Variants in NEDD9 observed in about 807,000 individuals in gnomAD.
NEDD9 encodes the protein neural precursor cell expressed, developmentally down-regulated 9.
NEDD9 carries 26 observed loss-of-function variants against 76.6 expected under a neutral mutation model. The ratio of observed to expected loss-of-function variants is 0.34; its 90% CI spans 0.25 to 0.47. NEDD9 has a LOEUF of 0.47. Ranked by LOEUF, NEDD9 falls within the 20% of genes least tolerant of loss-of-function variation. The pLI, the probability that NEDD9 is intolerant of heterozygous loss-of-function variation, is 1.00. For missense variants in NEDD9, 937 were observed against 1,058.5 expected, an observed-to-expected ratio of 0.89 and a Z score of 1.59; for synonymous variants, 392 against 414.2, an observed-to-expected ratio of 0.95 and a Z score of 0.65.
chr6:11,306,336 T>C (rs2113421968), intron 2 of NEDD9, among the ~76,000 whole-genome samples: 1 of 152,354 alleles, frequency 6.6e-6, no homozygotes, highest in South Asian at 2.1e-4. Context: ...CTTACTATGC[T>C]TTAGTTGGAA....
rs369706529 is a variant in NEDD9 at position 11,186,610 on chromosome 6, GCTTTA to G, written c.1996-944_1996-940del. 4.3e-4 allele frequency among the ~76,000 whole-genome samples: 65 copies of G among 151,988 alleles called. 1 individual carries two copies. In the East Asian group the frequency reaches 0.011, roughly 26 times the overall value. On this transcript the variant is annotated intron_variant, in intron 6 of 6. Coordinates refer to ENST00000379446, the MANE Select transcript of NEDD9 (RefSeq NM_006403.4). Reference sequence around the variant, plus strand: ...AGCTTCTCTGAGAGATGCACAGCCAGCTTTACTTTACTTTTCTTTTTTTTTGAGAC... The same window carrying G: ...AGCTTCTCTGAGAGATGCACAGCCAGCTTTACTTTTCTTTTTTTTTGAGAC...
intron 3 of NEDD9, among the ~76,000 whole-genome samples, chr6:11,300,644 A>G (rs1761023492): frequency 6.6e-6 from 1 of 152,266 alleles, no homozygotes; most frequent in South Asian, 2.1e-4. Context: ...AGGGAAGCCC[A>G]TCAGACTAAC....
At chr6:11,339,856 G>T (rs1762239280) in intron 1 of NEDD9, among the ~76,000 whole-genome samples, 1 of 152,162 alleles carries the variant, frequency 6.6e-6, no homozygotes, top group Non-Finnish European at 1.5e-5. Context: ...GACTGTGCTT[G>T]CATTTGTCAT....
upstream of NEDD9, among the ~76,000 whole-genome samples, chr6:11,233,128 C>A (rs377000149): frequency 4.7e-5 from 7 of 150,514 alleles, no homozygotes; most frequent in African/African-American, 1.5e-4. Flanking sequence ...TTTTACTAAC[C>A]ACCCCTGCTG....
upstream of NEDD9, chr6:11,233,211 T>G: frequency 1.9e-6 from 1 of 518,964 alleles, no homozygotes; most frequent in Non-Finnish European, 3.8e-6. Flanking sequence ...TGTGACTGTT[T>G]GCTTTTTTTG....
intron 1 of NEDD9, among the ~76,000 whole-genome samples, chr6:11,355,993 T>C (rs1762567332): frequency 6.6e-6 from 1 of 152,184 alleles, no homozygotes; most frequent in Non-Finnish European, 1.5e-5. Context: ...AGTCCTGGGA[T>C]TGCAGGCGTG....
chr6:11,360,320 T>A (rs1165958387), intron 1 of NEDD9, among the ~76,000 whole-genome samples: 2 of 151,848 alleles, frequency 1.3e-5, no homozygotes, highest in African/African-American at 4.8e-5. Flanking sequence ...TGAGCAAGAG[T>A]CTGCCAGGAA....
chr6:11,381,749 C>T (rs931827557), intron 1 of NEDD9, among the ~76,000 whole-genome samples: 1 of 152,094 alleles, frequency 6.6e-6, no homozygotes, highest in Admixed American at 6.6e-5. Flanking sequence ...TTCTAATCCA[C>T]CATAAAGAAT....
At chr6:11,341,002 G>A (rs571806009) in intron 1 of NEDD9, among the ~76,000 whole-genome samples, 33 of 152,246 alleles carry the variant, frequency 2.2e-4, no homozygotes, top group African/African-American at 7.9e-4. Flanking sequence ...TTCTAAGTCA[G>A]GCAGGCATGC....
chr6:11,337,703 C>G (rs1762191415), intron 1 of NEDD9, among the ~76,000 whole-genome samples: 1 of 152,196 alleles, frequency 6.6e-6, no homozygotes, highest in Admixed American at 6.5e-5. Flanking sequence ...TATCGGGCAT[C>G]AGTAGGTGTT....
intron 1 of NEDD9, among the ~76,000 whole-genome samples, chr6:11,347,467 A>G (rs1762384364): frequency 6.6e-6 from 1 of 152,146 alleles, no homozygotes; most frequent in Admixed American, 6.5e-5. Context: ...GAGACACAAC[A>G]AGAAAAACAA....
At chr6:11,323,556 A>G (rs998313533) in intron 2 of NEDD9, among the ~76,000 whole-genome samples, 2 of 152,106 alleles carry the variant, frequency 1.3e-5, no homozygotes, top group African/African-American at 4.8e-5. Context: ...TGCTACTAGC[A>G]TGCAGTGAAC....
intron 1 of NEDD9, among the ~76,000 whole-genome samples, chr6:11,337,438 GT>G (rs1392766952): frequency 1.3e-4 from 20 of 152,184 alleles, no homozygotes; most frequent in African/African-American, 4.8e-4. Context: ...CAATGCAGTA[GT>G]TTTGTTGACA....
intron 3 of NEDD9, among the ~76,000 whole-genome samples, chr6:11,276,290 C>T (rs757984188): frequency 6.6e-6 from 1 of 152,208 alleles, no homozygotes; most frequent in Non-Finnish European, 1.5e-5. Context: ...TTAGCTACTA[C>T]TTAATTGGCA....
intron 1 of NEDD9, among the ~76,000 whole-genome samples, chr6:11,358,408 G>A (rs1028266411): frequency 1.3e-5 from 2 of 152,216 alleles, no homozygotes; most frequent in South Asian, 4.1e-4. Flanking sequence ...GCTTGGCCAT[G>A]TGTGCCCTGG....
chr6:11,193,529 G>T, intron 3 of NEDD9, 62 bp downstream of exon 3: 1 of 1,293,460 alleles, frequency 7.7e-7, no homozygotes, highest in South Asian at 1.2e-5. Context: ...TTTCTCTACA[G>T]CCCTGAAGGA....
At chr6:11,223,667 C>A (rs913992791) in intron 1 of NEDD9, among the ~76,000 whole-genome samples, 3 of 152,220 alleles carry the variant, frequency 2.0e-5, no homozygotes, top group Non-Finnish European at 2.9e-5. Context: ...GTGCTGCGGG[C>A]TATGAGGCGA....
At chr6:11,250,798 T>A (rs1340479045) in intron 3 of NEDD9, among the ~76,000 whole-genome samples, 1 of 152,236 alleles carries the variant, frequency 6.6e-6, no homozygotes, top group Non-Finnish European at 1.5e-5. Flanking sequence ...AGTTCCCATT[T>A]GCAAATCAAT....
At chr6:11,250,461 T>C in intron 3 of NEDD9, among the ~76,000 whole-genome samples, 1 of 152,184 alleles carries the variant, frequency 6.6e-6, no homozygotes, top group African/African-American at 2.4e-5. Context: ...TCAAGTGTTC[T>C]TAACACACAG....
Sources: gnomAD v4.1 joint callset for allele counts (sites outside exome capture counted in the v4.1 genomes callset) on GRCh38, gnomAD v4.1.1 for gene constraint, MANE v1.5 for transcripts, NCBI Gene and HGNC (gene_info 2026-07-23, HGNC 2026-07-21) for gene names.